LRCH3: variants seen among roughly 807,000 people sequenced by gnomAD.
LRCH3 encodes DISP complex protein LRCH3.
In LRCH3, 68 loss-of-function variants were observed where a neutral mutation model predicts 104.5. The observed-to-expected ratio is 0.65, with a 90% CI of 0.54 to 0.80. The LOEUF is 0.80. Ranked by LOEUF, LRCH3 falls within the 30% of genes least tolerant of loss-of-function variation. The pLI is 0.00. For missense variants in LRCH3, 951 were observed against 953.9 expected, an observed-to-expected ratio of 1.00 and a Z score of 0.04; for synonymous variants, 344 against 361.3, an observed-to-expected ratio of 0.95 and a Z score of 0.54.
chr3:197,823,929 C>A (rs1734791482), intron 4 of LRCH3, among the ~76,000 whole-genome samples: 1 of 152,172 alleles, frequency 6.6e-6, no homozygotes, highest in Non-Finnish European at 1.5e-5. Context: ...TGCTTTCCTC[C>A]CATCTTCCCA....
At chr3:197,862,475 A>G (rs1024193254) in intron 15 of LRCH3, among the ~76,000 whole-genome samples, 4 of 152,118 alleles carry the variant, frequency 2.6e-5, no homozygotes, top group South Asian at 2.1e-4. Flanking sequence ...TGTCCTGTTA[A>G]TAAGTGTTTT....
intron 20 of LRCH3, among the ~76,000 whole-genome samples, chr3:197,880,047 G>C (rs1202566976): frequency 2.5e-4 from 38 of 150,292 alleles, no homozygotes; most frequent in Non-Finnish European, 4.9e-4. Flanking sequence ...CCGGGTTCCC[G>C]CCATTCTCCT....
chr3:197,836,955 GGT>G (rs1401942776), intron 9 of LRCH3, among the ~76,000 whole-genome samples: 8 of 152,132 alleles, frequency 5.3e-5, no homozygotes, highest in Non-Finnish European at 8.8e-5. Flanking sequence ...TGGGATTACA[GGT>G]GTGAGCCACC....
At position 197,827,024 on chromosome 3, in the gene LRCH3, AGTGGAAGCATCAGGTAAACCATG is replaced by A. The variant is rs747521316; in HGVS notation, c.777+32_777+54del. 28,597 of 1,611,586 alleles carry A rather than the reference AGTGGAAGCATCAGGTAAACCATG, an allele frequency of 0.018. 639 individuals are homozygous for A. The highest frequency in any genetic ancestry group is 0.1 in the East Asian group (4,666 of 44,756). ...ATCACCTCCTGCACAGGTAAACCATAGTGGAAGCATCAGGTAAACCATGGTGGAAGCATCAGGTAAACCACGGT... is the reference window on the plus strand; with the variant it reads ...ATCACCTCCTGCACAGGTAAACCATAGTGGAAGCATCAGGTAAACCACGGT... On this transcript the variant is annotated intron_variant, in intron 5 of 20. Coordinates refer to ENST00000425562, the MANE Select transcript of LRCH3 (RefSeq NM_001365715.1).
intron 10 of LRCH3, among the ~76,000 whole-genome samples, chr3:197,844,503 G>T (rs891841968): frequency 6.6e-6 from 1 of 151,636 alleles, no homozygotes. Context: ...AGATCCTCCC[G>T]CCTTGGCCTC....
Position 197,883,093 on chromosome 3 carries a change from ATCTT to A in LRCH3, c.2209-445_2209-442del, listed in dbSNP as rs1713927264. 1 of 985,870 alleles carries A rather than the reference ATCTT, an allele frequency of 1.0e-6. No individual in the cohort carries two copies. Among genetic ancestry groups the A allele is most frequent in the South Asian group, 4.7e-5 (1 of 21,326 alleles). 61.1% of individuals were successfully genotyped at this position (985,870 alleles called of 1,614,324 possible). On this transcript the variant is annotated intron_variant, in intron 20 of 20. Transcript: ENST00000425562. The surrounding 1 kb of genome is among the most constrained non-coding windows in gnomAD (Gnocchi z 4.2). ...GCAGGCTGAGTTATGTTTTCAAACTATCTTTCATTCTTGTGGTAGGGAACTTACC... is the reference window on the plus strand; with the variant it reads ...GCAGGCTGAGTTATGTTTTCAAACTATCATTCTTGTGGTAGGGAACTTACC...
In LRCH3 at chr3:197,856,492, C is replaced by T. The variant is rs1740261706; in HGVS notation, c.1644+2047C>T. Among the ~76,000 whole-genome samples, 1 of 151,916 alleles carries T rather than the reference C, an allele frequency of 6.6e-6. No homozygotes were observed. The highest frequency in any genetic ancestry group is 2.4e-5 in the African/African-American group (1 of 41,332). The stretch of plus-strand genomic sequence containing the variant: ...GGAGTGCAGTGGCATGAACATGGTT[C>T]CTTGAAGCATCAGCCTCTTGAGTAG... On this transcript the variant is annotated intron_variant, in intron 14 of 20. Transcript: ENST00000425562. The surrounding 1 kb of genome is among the most constrained non-coding windows in gnomAD (Gnocchi z 4.2).
intron 15 of LRCH3, among the ~76,000 whole-genome samples, chr3:197,861,565 T>C (rs1052696623): frequency 2.6e-5 from 4 of 152,240 alleles, no homozygotes; most frequent in African/African-American, 9.6e-5. Context: ...GATAAGTCTT[T>C]TTTTTCTATC....
chr3:197,883,275 T>C lies in LRCH3; in HGVS notation c.2209-266T>C. ...CCCTGCGGTATTGTTTTCCCTCTGTTGTATGTATAGATATATGCTACTTGT... is the reference window on the plus strand; with the variant it reads ...CCCTGCGGTATTGTTTTCCCTCTGTCGTATGTATAGATATATGCTACTTGT... On this transcript the variant is annotated intron_variant, in intron 20 of 20. Transcript: ENST00000425562. This position sits in a 1 kb window ranked among gnomAD's most constrained non-coding sequence, Gnocchi z 4.2. The C allele has an allele frequency of 8.5e-7, 1 of 1,177,948 alleles. No individual in the cohort carries two copies. The highest frequency in any genetic ancestry group is 5.0e-5 in the East Asian group (1 of 19,804). 73.0% of individuals were successfully genotyped at this position (1,177,948 alleles called of 1,614,324 possible).
In LRCH3 at chr3:197,791,391, C is replaced by T. The variant is rs753097716; in HGVS notation, c.113C>T (p.Pro38Leu). The T allele has an allele frequency of 1.3e-6, 2 of 1,595,738 alleles. No homozygotes were observed. The highest frequency in any genetic ancestry group is 2.3e-5 in the South Asian group (2 of 88,386). ...TGCGGCCCAAGCTCCGGGGCAGGCC[C>T]TGGTTTTGGCCCGGGCTCGTGGAGC... is the stretch of plus-strand genomic sequence containing the variant. ...VHCGPSSGAG[P>L]GFGPGSWSRS... The change falls in exon 1 of 21, where the codon CCT (proline) becomes CTT (leucine). Residue 38 changes from proline to leucine, a missense_variant. Transcript: ENST00000425562.
At chr3:197,820,182 G>A in intron 3 of LRCH3, 143 bp from the exon 4 acceptor site, 1 of 639,980 alleles carries the variant, frequency 1.6e-6, no homozygotes, top group Non-Finnish European at 2.8e-6. Context: ...GAACCTGTAG[G>A]TAGTCTCTTT....
At chr3:197,838,358 G>T (rs1294981789) in intron 9 of LRCH3, among the ~76,000 whole-genome samples, 1 of 152,226 alleles carries the variant, frequency 6.6e-6, no homozygotes, top group East Asian at 1.9e-4. Context: ...CTCATGTCCA[G>T]ACTTTAAGAC....
At chr3:197,836,999 A>G (rs186590440) in intron 9 of LRCH3, among the ~76,000 whole-genome samples, 1 of 151,858 alleles carries the variant, frequency 6.6e-6, no homozygotes. Context: ...TCTTTTTTTT[A>G]AAAAAAGGGC....
At chr3:197,794,257 A>G (rs537365273) in intron 1 of LRCH3, among the ~76,000 whole-genome samples, 3 of 152,192 alleles carry the variant, frequency 2.0e-5, no homozygotes, top group African/African-American at 7.2e-5. Flanking sequence ...GTACCATGCA[A>G]CCTCTTCATA....
chr3:197,867,072 C>A lies in LRCH3; in HGVS notation c.1873+853C>A, dbSNP rs554591014. 1.1e-4 allele frequency among the ~76,000 whole-genome samples: 16 copies of A among 152,030 alleles called. No homozygotes were observed. In the East Asian group the frequency reaches 2.9e-3, roughly 28 times the overall value. On this transcript the variant is annotated intron_variant, in intron 17 of 20. Coordinates refer to ENST00000425562, the MANE Select transcript of LRCH3 (RefSeq NM_001365715.1). ...AGCAGATCACGTCATTTGAGGAGTTCATGACCAGCCTGGCCAACATGGCGA... is the reference window on the plus strand; with the variant it reads ...AGCAGATCACGTCATTTGAGGAGTTAATGACCAGCCTGGCCAACATGGCGA...
chr3:197,804,075 T>C (rs1354891440), intron 1 of LRCH3, among the ~76,000 whole-genome samples: 4 of 152,034 alleles, frequency 2.6e-5, no homozygotes, highest in African/African-American at 9.7e-5. Flanking sequence ...CTGACCAACA[T>C]GGTGAAACCC....
At chr3:197,824,376 T>TTC (rs1553917793) in intron 4 of LRCH3, among the ~76,000 whole-genome samples, 11 of 149,760 alleles carry the variant, frequency 7.3e-5, no homozygotes, top group East Asian at 2.0e-4. Flanking sequence ...TTTTTTTTTT[T>TTC]CCCCTGGAGG....
intron 8 of LRCH3, among the ~76,000 whole-genome samples, chr3:197,834,284 CT>C (rs1269691501): frequency 6.6e-6 from 1 of 152,066 alleles, no homozygotes; most frequent in Admixed American, 6.6e-5. Context: ...CAAGATGTGG[CT>C]AAAAATAATT....
In LRCH3 at chr3:197,832,331, C is replaced by T. The variant is rs373980523; in HGVS notation, c.1102+14C>T. On this transcript the variant is annotated intron_variant, in intron 8 of 20. Coordinates refer to ENST00000425562, the MANE Select transcript of LRCH3 (RefSeq NM_001365715.1). ...CAAACGGCGGAGGTAAACATAATTC[C>T]GGTGACAGCTAAAGTGTTTGCAACC... The T allele has an allele frequency of 1.0e-4, 164 of 1,611,572 alleles. No individual in the cohort carries two copies. The highest frequency in any genetic ancestry group is 1.3e-4 in the Non-Finnish European group (149 of 1,178,438).
Sources: allele counts gnomAD v4.1 joint callset (sites outside exome capture counted in the v4.1 genomes callset), GRCh38; gene constraint gnomAD v4.1.1; non-coding constraint Gnocchi (gnomAD v3.1); transcripts MANE v1.5; gene names NCBI Gene and HGNC (gene_info 2026-07-23, HGNC 2026-07-21).